PRTG: variants seen among roughly 807,000 people sequenced by gnomAD.
PRTG encodes the protein immunoglobulin superfamily, DCC subclass, member 5.
PRTG carries 67 observed loss-of-function variants against 122.5 expected under a neutral mutation model. That is an observed-to-expected ratio of 0.55 (90% CI 0.45 to 0.67). The LOEUF (loss-of-function observed/expected upper bound fraction) is 0.67, where lower values mean the gene tolerates loss of function less well. PRTG is among the 30% of genes least tolerant of loss of function. The pLI is 0.00. For missense variants in PRTG, 1,435 were observed against 1,415.4 expected, an observed-to-expected ratio of 1.01 and a Z score of -0.22; for synonymous variants, 554 against 501.1, an observed-to-expected ratio of 1.11 and a Z score of -1.41.
At chr15:55,717,431 G>A (rs1174456212) in intron 2 of PRTG, among the ~76,000 whole-genome samples, 2 of 152,036 alleles carry the variant, frequency 1.3e-5, no homozygotes, top group Non-Finnish European at 2.9e-5. Context: ...GTAATTCTAC[G>A]CAAGAGAAAA....
chr15:55,683,185 C>CTT (rs542897986), intron 3 of PRTG, among the ~76,000 whole-genome samples: 2 of 146,258 alleles, frequency 1.4e-5, no homozygotes, highest in African/African-American at 2.5e-5. Flanking sequence ...TGTAGATATG[C>CTT]TTTTTTTTTT....
chr15:55,681,195 T>G (rs1314122923), intron 4 of PRTG: 1 of 152,080 alleles, frequency 6.6e-6, no homozygotes, highest in Non-Finnish European at 1.5e-5. Context: ...TTAATTGAGG[T>G]TCAAACATTC....
At chr15:55,658,480 G>C (rs1217239070) in intron 11 of PRTG, among the ~76,000 whole-genome samples, 2 of 152,064 alleles carry the variant, frequency 1.3e-5, no homozygotes, top group Admixed American at 6.6e-5. Flanking sequence ...ACAATGCCCA[G>C]CTAATTTTTG....
chr15:55,672,536 G>A lies in PRTG; in HGVS notation c.1950C>T (p.Gly650=). The A allele has an allele frequency of 6.2e-7, 1 of 1,613,982 alleles. No homozygotes were observed. Among genetic ancestry groups the A allele is most frequent in the Non-Finnish European group, 8.5e-7 (1 of 1,179,902 alleles). The change falls in exon 11 of 20, where the codon GGC becomes GGT. Residue 650 remains glycine (G), a synonymous_variant. Transcript: ENST00000389286. ...QDVEDTAAIQ[G]YKLYYKEEGQ... ...CTTCTTCCTTGTAGTACAGCTTGTA[G>A]CCCTGAATAGCAGCTGTGTCCTCTA...
At position 55,717,833 on chromosome 15, in the gene PRTG, T is replaced by C. The variant is rs546583800; in HGVS notation, c.397+22549A>G. On this transcript the variant is annotated intron_variant, in intron 2 of 19. Transcript: ENST00000389286. ...TTGTAGGCTGACTCTCTTTTGGGAC[T>C]CAGCCCGCCTGCACCCAGGTGAAAT... Among the ~76,000 whole-genome samples the C allele has an allele frequency of 2.6e-5, 4 of 152,350 alleles. No individual in the cohort carries two copies. In the East Asian group the frequency reaches 5.8e-4, roughly 22 times the overall value.
chr15:55,714,384 C>A (rs2030520189), intron 2 of PRTG, among the ~76,000 whole-genome samples: 1 of 151,464 alleles, frequency 6.6e-6, no homozygotes, highest in Admixed American at 6.6e-5. Context: ...GCACCCCCAC[C>A]CCCCCGCTAG....
At chr15:55,742,703 G>A (rs2031652402) in intron 1 of PRTG, 135 bp downstream of exon 1, 1 of 1,068,416 alleles carries the variant, frequency 9.4e-7, no homozygotes, top group Non-Finnish European at 1.4e-6. Context: ...GGCGAGAGCG[G>A]GGGCCGGGGG....
At chr15:55,652,459 T>G (rs2059358122) in intron 11 of PRTG, among the ~76,000 whole-genome samples, 2 of 152,224 alleles carry the variant, frequency 1.3e-5, no homozygotes, top group Non-Finnish European at 2.9e-5. Flanking sequence ...ATTGTTCCCC[T>G]GCAGTCCAAC....
At chr15:55,641,558 G>C (rs957149975) in intron 11 of PRTG, among the ~76,000 whole-genome samples, 14 of 152,088 alleles carry the variant, frequency 9.2e-5, no homozygotes. Flanking sequence ...CTTGCAAGAG[G>C]TTACACTTTG....
intron 2 of PRTG, among the ~76,000 whole-genome samples, chr15:55,692,141 C>A (rs376008149): frequency 2.0e-5 from 3 of 152,166 alleles, no homozygotes; most frequent in Non-Finnish European, 4.4e-5. Flanking sequence ...AAAAACAAAT[C>A]TCTTTTTTAA....
Position 55,613,542 on chromosome 15 carries a change from G to C in PRTG, c.*6470C>G, listed in dbSNP as rs951885505. 3 of 152,054 alleles carry C rather than the reference G, an allele frequency of 2.0e-5. No homozygotes were observed. Among genetic ancestry groups the C allele is most frequent in the African/African-American group, 7.2e-5 (3 of 41,436 alleles). 9.4% of individuals were successfully genotyped at this position (152,054 alleles called of 1,614,324 possible). A position where few individuals can be genotyped will look rare whatever the true frequency, so the allele number is the denominator to read the frequency against. On this transcript the variant is annotated 3_prime_UTR_variant, in exon 20 of 20. Transcript: ENST00000389286. ...TAGCTGAGATAAATGGAAGGTTTTG[G>C]AGGAGAGAAATTAGGAGATGATAAG...
At chr15:55,674,652 A>G (rs1462737179) in intron 9 of PRTG, among the ~76,000 whole-genome samples, 1 of 152,204 alleles carries the variant, frequency 6.6e-6, no homozygotes. Flanking sequence ...AAACACCTAA[A>G]TAAGTGGCAT....
chr15:55,629,118 A>G lies in PRTG; in HGVS notation c.2624-114T>C, dbSNP rs1258419348. The G allele has an allele frequency of 6.7e-6, 4 of 592,912 alleles. No individual in the cohort carries two copies. The African/African-American group carries it at 7.4e-5, about 11-fold the overall frequency. The allele number at this position is 592,912 out of a possible 1,614,324, so 36.7% of individuals were successfully genotyped here. The stretch of plus-strand genomic sequence containing the variant: ...ATATTTTTCTGATTATAAAGATGAC[A>G]CATATTGTAGAACATTTAGAAAATA... On this transcript the variant is annotated intron_variant, in intron 15 of 19. Coordinates refer to ENST00000389286, the MANE Select transcript of PRTG (RefSeq NM_173814.6).
chr15:55,643,795 T>C (rs1235634319), intron 11 of PRTG, among the ~76,000 whole-genome samples: 2 of 152,150 alleles, frequency 1.3e-5, no homozygotes, highest in South Asian at 2.1e-4. Context: ...CGTGACAAAG[T>C]ACAAGACCTC....
intron 18 of PRTG, 38 bp from the exon 19 acceptor site, chr15:55,620,805 G>A: frequency 4.6e-6 from 7 of 1,524,890 alleles, no homozygotes; most frequent in Non-Finnish European, 6.2e-6. Context: ...AAATATCCTG[G>A]TATCACAGAT....
At chr15:55,646,454 C>A (rs1342033077) in intron 11 of PRTG, among the ~76,000 whole-genome samples, 1 of 151,912 alleles carries the variant, frequency 6.6e-6, no homozygotes, top group Non-Finnish European at 1.5e-5. Context: ...TCCCAAGTAG[C>A]TAGGACTACA....
intron 2 of PRTG, among the ~76,000 whole-genome samples, chr15:55,693,926 A>G (rs549455698): frequency 1.3e-5 from 2 of 152,344 alleles, no homozygotes; most frequent in African/African-American, 4.8e-5. Context: ...CTCATATACA[A>G]TAAAAATAAA....
chr15:55,736,269 C>T (rs1481919139), intron 2 of PRTG, among the ~76,000 whole-genome samples: 1 of 152,032 alleles, frequency 6.6e-6, no homozygotes, highest in Non-Finnish European at 1.5e-5. Flanking sequence ...AAAACAGTGA[C>T]CGTGTAGCAA....
intron 2 of PRTG, among the ~76,000 whole-genome samples, chr15:55,700,216 G>C (rs1227674351): frequency 6.6e-6 from 1 of 152,100 alleles, no homozygotes; most frequent in African/African-American, 2.4e-5. Context: ...GGGATAGTCT[G>C]TTCAACAAAC....
Sources: gnomAD v4.1 joint callset for allele counts (sites outside exome capture counted in the v4.1 genomes callset) on GRCh38, gnomAD v4.1.1 for gene constraint, MANE v1.5 for transcripts, NCBI Gene and HGNC (gene_info 2026-07-23, HGNC 2026-07-21) for gene names.